MLANA: variants seen among roughly 807,000 people sequenced by gnomAD.
The protein encoded by MLANA is melan-A.
In MLANA, 21 loss-of-function variants were observed where a neutral mutation model predicts 15.7. The ratio of observed to expected loss-of-function variants is 1.33; its 90% confidence interval spans 0.95 to 1.92. MLANA has a LOEUF of 1.92. Ranked by LOEUF, MLANA falls within the 40% of genes most tolerant of loss-of-function variation. The probability of loss-of-function intolerance (pLI) is 0.00; values close to 1 mark genes in which losing one functional copy is unlikely to be tolerated. For missense variants in MLANA, 164 were observed against 143.8 expected (o/e 1.14, Z -0.72); for synonymous variants, 56 against 51.5 (o/e 1.09, Z -0.37).
At chr9:5,907,034 A>G in intron 4 of MLANA, 36 bp downstream of exon 4, 1 of 1,362,740 alleles carries the variant, frequency 7.3e-7, no homozygotes, top group South Asian at 1.3e-5. Context: ...ATTTTCATGA[A>G]TGGCTGTTTT....
intron 2 of MLANA, among the ~76,000 whole-genome samples, chr9:5,895,559 A>C (rs1269113975): frequency 1.3e-5 from 2 of 152,242 alleles, no homozygotes; most frequent in African/African-American, 4.8e-5. Flanking sequence ...AAGAAGGACT[A>C]CATACCTGCT....
intron 4 of MLANA, among the ~76,000 whole-genome samples, chr9:5,907,515 T>C (rs1003766564): frequency 6.6e-5 from 10 of 152,212 alleles, no homozygotes; most frequent in South Asian, 2.1e-4. Flanking sequence ...AATATTAGTA[T>C]GTAGAAAAGA....
At position 5,890,945 on chromosome 9, in the gene MLANA, G is replaced by A. The variant is rs909597540; in HGVS notation, c.-26+9G>A. ...GACTCTCATTAAGGAAGGTAAGAGC[G>A]TTGCCTTCTCGCCATAATCATAGTC... On this transcript the variant is annotated intron_variant, in intron 1 of 4. Transcript: ENST00000381477. The A allele has an allele frequency of 4.6e-5, 7 of 152,154 alleles. No homozygotes were observed. The highest frequency in any genetic ancestry group is 1.7e-4 in the African/African-American group (7 of 41,430). The allele number at this position is 152,154 out of a possible 1,614,324, so 9.4% of individuals were successfully genotyped here. A position where few individuals can be genotyped will look rare whatever the true frequency, so the allele number is the denominator to read the frequency against.
chr9:5,908,780 C>G lies in MLANA; in HGVS notation c.*72C>G, dbSNP rs912796369. 1 of 1,408,284 alleles carries G rather than the reference C, an allele frequency of 7.1e-7. No homozygotes were observed. 87.2% of individuals were successfully genotyped at this position (1,408,284 alleles called of 1,614,324 possible). On this transcript the variant is annotated 3_prime_UTR_variant, in exon 5 of 5. Transcript: ENST00000381477. ...TTTTGCTTGAATTTAATACAGACAT[C>G]TAATGTTCTCCTTTGGAATGGTGTA...
At chr9:5,897,364 A>C (rs1021788079) in intron 2 of MLANA, among the ~76,000 whole-genome samples, 193 bp from the exon 3 acceptor site, 2 of 152,186 alleles carry the variant, frequency 1.3e-5, no homozygotes, top group South Asian at 4.1e-4. Context: ...GAGGCTCCTA[A>C]AGACCTGGGT....
At chr9:5,908,300 C>T (rs1336955179) in intron 4 of MLANA, among the ~76,000 whole-genome samples, 2 of 152,148 alleles carry the variant, frequency 1.3e-5, no homozygotes, top group Non-Finnish European at 2.9e-5. Flanking sequence ...ACAACGATCT[C>T]TGTGGTAAAG....
chr9:5,899,949 G>C (rs1832308493), intron 3 of MLANA, among the ~76,000 whole-genome samples: 1 of 152,154 alleles, frequency 6.6e-6, no homozygotes, highest in East Asian at 1.9e-4. Context: ...TTGGAAATCT[G>C]TGATGTAACA....
At chr9:5,905,291 A>G (rs937051717) in intron 3 of MLANA, among the ~76,000 whole-genome samples, 7 of 152,210 alleles carry the variant, frequency 4.6e-5, no homozygotes, top group African/African-American at 1.4e-4. Flanking sequence ...GACCCCAGGG[A>G]AACCTGAAAA....
At chr9:5,899,503 G>C (rs1832273819) in intron 3 of MLANA, among the ~76,000 whole-genome samples, 1 of 152,206 alleles carries the variant, frequency 6.6e-6, no homozygotes, top group South Asian at 2.1e-4. Context: ...CTGACATCTA[G>C]TGGGAAGGAG....
chr9:5,891,031 C>T (rs893182675), intron 1 of MLANA, 95 bp downstream of exon 1: 1 of 152,146 alleles, frequency 6.6e-6, no homozygotes, highest in Non-Finnish European at 1.5e-5. Flanking sequence ...CCCTCATTGC[C>T]CCGCTGATGT....
chr9:5,904,093 G>A (rs1832631225), intron 3 of MLANA, among the ~76,000 whole-genome samples: 1 of 151,982 alleles, frequency 6.6e-6, no homozygotes, highest in Non-Finnish European at 1.5e-5. Flanking sequence ...CCTGAGCTCA[G>A]GCAATCCGCC....
rs780586198 is a variant in MLANA at position 5,894,114 on chromosome 9, G to C, written c.77+1563G>C. Among the ~76,000 whole-genome samples the C allele has an allele frequency of 6.6e-6, 1 of 152,140 alleles. No homozygotes were observed. The highest frequency in any genetic ancestry group is 1.5e-5 in the Non-Finnish European group (1 of 68,034). On this transcript the variant is annotated intron_variant, in intron 2 of 4. Coordinates refer to ENST00000381477, the MANE Select transcript of MLANA (RefSeq NM_005511.2). This position sits in a 1 kb window ranked among gnomAD's most constrained non-coding sequence, Gnocchi z 4.0. ...ATATTTGCACAATCCCATCCGACGA[G>C]AGGCTAGGGCAGAGGTCAGTATCTC...
intron 3 of MLANA, 58 bp downstream of exon 3, chr9:5,897,711 T>C: frequency 2.1e-6 from 3 of 1,413,650 alleles, no homozygotes; most frequent in Non-Finnish European, 3.0e-6. Flanking sequence ...TTTCCAGTTC[T>C]TTCCTCTGAA....
intron 3 of MLANA, chr9:5,898,249 A>G (rs1276890278): frequency 2.0e-5 from 3 of 152,832 alleles, no homozygotes; most frequent in African/African-American, 4.8e-5. Flanking sequence ...AGGTCCCACT[A>G]TGTTGCCCAG....
intron 3 of MLANA, 100 bp from the exon 4 acceptor site, chr9:5,906,785 A>G (rs892582447): frequency 1.4e-6 from 1 of 696,592 alleles, no homozygotes; most frequent in African/African-American, 1.9e-5. Flanking sequence ...GGCAGAACCT[A>G]GATTAAAACT....
chr9:5,892,139 C>T (rs539539594), intron 1 of MLANA, among the ~76,000 whole-genome samples: 56 of 152,288 alleles, frequency 3.7e-4, no homozygotes, highest in Non-Finnish European at 1.8e-4. Context: ...GGTGCAGAGT[C>T]AAATTGAAGG....
chr9:5,895,330 C>A (rs898043373), intron 2 of MLANA, among the ~76,000 whole-genome samples: 1 of 151,986 alleles, frequency 6.6e-6, no homozygotes, highest in East Asian at 1.9e-4. Context: ...TCCCTGCCCC[C>A]ATTGCTGTTT....
chr9:5,897,759 C>T, intron 3 of MLANA, 106 bp downstream of exon 3: 1 of 994,968 alleles, frequency 1.0e-6, no homozygotes, highest in Non-Finnish European at 1.6e-6. Flanking sequence ...TTATAACCTT[C>T]AGCTCTGATT....
In MLANA at chr9:5,908,909, G is replaced by A. The variant is rs866966055; in HGVS notation, c.*201G>A. 1 of 553,596 alleles carries A rather than the reference G, an allele frequency of 1.8e-6. No homozygotes were observed. 34.3% of individuals were successfully genotyped at this position (553,596 alleles called of 1,614,324 possible). A position where few individuals can be genotyped will look rare whatever the true frequency, so the allele number is the denominator to read the frequency against. On this transcript the variant is annotated 3_prime_UTR_variant, in exon 5 of 5. Coordinates refer to ENST00000381477, the MANE Select transcript of MLANA (RefSeq NM_005511.2). ...GAAATGATGAGAAATATTAAATTGGGAAAACTCCATCAATAAATGTTGCAA... is the reference window on the plus strand; with the variant it reads ...GAAATGATGAGAAATATTAAATTGGAAAAACTCCATCAATAAATGTTGCAA...
Sources: allele counts gnomAD v4.1 joint callset (sites outside exome capture counted in the v4.1 genomes callset), GRCh38; gene constraint gnomAD v4.1.1; non-coding constraint Gnocchi (gnomAD v3.1); transcripts MANE v1.5; gene names NCBI Gene and HGNC (gene_info 2026-07-23, HGNC 2026-07-21).